Variants in PDK1 observed in about 807,000 individuals in gnomAD.
PDK1 encodes the protein pyruvate dehydrogenase kinase 1, also known as [Pyruvate dehydrogenase (acetyl-transferring)] kinase isozyme 1, mitochondrial.
Under a neutral mutation model 54.2 loss-of-function variants are expected in PDK1, and 39 were observed. The observed-to-expected ratio is 0.72, with a 90% CI of 0.56 to 0.94. PDK1 has a LOEUF of 0.94. PDK1 is among the 40% of genes least tolerant of loss of function. The pLI is 0.00. For synonymous variants in PDK1, 221 were observed against 207.1 expected, an observed-to-expected ratio of 1.07 and a Z score of -0.58; for missense variants, 552 against 566.0, an observed-to-expected ratio of 0.98 and a Z score of 0.25.
the PDK1 span, among the ~76,000 whole-genome samples, chr2:172,639,626 T>G: frequency 6.6e-6 from 1 of 152,204 alleles, no homozygotes; most frequent in African/African-American, 2.4e-5. Context: ...AACTTAAATA[T>G]GCTATATGCT....
intron 8 of PDK1, among the ~76,000 whole-genome samples, chr2:172,582,092 T>TAA (rs1689943791): frequency 6.6e-6 from 1 of 152,138 alleles, no homozygotes; most frequent in Non-Finnish European, 1.5e-5. Context: ...TTTGTATTTT[T>TAA]AGTAGAGACA....
the PDK1 span, among the ~76,000 whole-genome samples, chr2:172,697,519 T>C: frequency 6.6e-6 from 1 of 152,148 alleles, no homozygotes; most frequent in African/African-American, 2.4e-5. Context: ...TCCTTATCTT[T>C]AGAATACACG....
chr2:172,570,876 A>C, intron 8 of PDK1, 52 bp downstream of exon 8: 1 of 982,860 alleles, frequency 1.0e-6, no homozygotes, highest in Non-Finnish European at 1.6e-6. Flanking sequence ...TAATTGATGA[A>C]CAGACATGCA....
Position 172,586,342 on chromosome 2 carries a change from C to A in PDK1, c.1010C>A (p.Ser337Ter), listed in dbSNP as rs996270562. 1.2e-6 allele frequency: 2 copies of A among 1,612,856 alleles called. No homozygotes were observed. The highest frequency in any genetic ancestry group is 1.7e-5 in the Admixed American group (1 of 60,006). The change falls in exon 9 of 11, where the codon TCA (serine) becomes TAA (stop). Residue 337 changes from serine to a stop codon, truncating the protein, a stop_gained. Coordinates refer to ENST00000282077, the MANE Select transcript of PDK1 (RefSeq NM_002610.5). LOFTEE classifies it high-confidence loss of function. ...KIDRLFNYMY[S>*]TAPRPRVETS... ...GACAGACTTTTCAACTACATGTATT[C>A]AACTGCACCAAGACCTCGTGTTGAG...
chr2:172,707,575 C>T, the PDK1 span, among the ~76,000 whole-genome samples: 1 of 152,168 alleles, frequency 6.6e-6, no homozygotes, highest in South Asian at 2.1e-4. Flanking sequence ...AAAGCAAAAC[C>T]CGGGAACTCA....
the PDK1 span, among the ~76,000 whole-genome samples, chr2:172,698,717 C>G: frequency 1.3e-5 from 2 of 152,198 alleles, no homozygotes; most frequent in Non-Finnish European, 2.9e-5. Context: ...AGGAACCACA[C>G]TGAGAACTAC....
At chr2:172,700,914 A>C in the PDK1 span, among the ~76,000 whole-genome samples, 1 of 152,080 alleles carries the variant, frequency 6.6e-6, no homozygotes, top group Non-Finnish European at 1.5e-5. Flanking sequence ...GAGGCAGGAG[A>C]ATCAGGCAGG....
At chr2:172,589,755 C>T (rs908590480) in intron 9 of PDK1, among the ~76,000 whole-genome samples, 2 of 152,168 alleles carry the variant, frequency 1.3e-5, no homozygotes, top group African/African-American at 4.8e-5. Flanking sequence ...TCATAGTTAG[C>T]ATGCTATATG....
intron 3 of PDK1, 58 bp from the exon 4 acceptor site, chr2:172,564,445 T>G (rs1225275484): frequency 7.2e-7 from 1 of 1,396,790 alleles, no homozygotes; most frequent in Admixed American, 1.9e-5. Context: ...AGCTTATATT[T>G]TTGTATTAAG....
At chr2:172,579,441 G>A (rs1689760287) in intron 8 of PDK1, among the ~76,000 whole-genome samples, 1 of 151,708 alleles carries the variant, frequency 6.6e-6, no homozygotes, top group African/African-American at 2.4e-5. Flanking sequence ...ATGTTCCCCA[G>A]ATTGCTGCAT....
At chr2:172,651,147 A>G in the PDK1 span, among the ~76,000 whole-genome samples, 8 of 152,288 alleles carry the variant, frequency 5.3e-5, no homozygotes, top group African/African-American at 1.7e-4. Context: ...GTGCAATCAA[A>G]CTAGAACTCA....
chr2:172,667,351 G>A, the PDK1 span, among the ~76,000 whole-genome samples: 1 of 152,184 alleles, frequency 6.6e-6, no homozygotes, highest in South Asian at 2.1e-4. Flanking sequence ...ATTTCAGCAA[G>A]GTCTGGGGCA....
the PDK1 span, among the ~76,000 whole-genome samples, chr2:172,711,563 C>G: frequency 6.6e-6 from 1 of 152,126 alleles, no homozygotes; most frequent in Non-Finnish European, 1.5e-5. Flanking sequence ...TTATAGAAGG[C>G]TGTCAAGACA....
At chr2:172,587,106 C>G (rs1353304602) in intron 9 of PDK1, among the ~76,000 whole-genome samples, 1 of 152,108 alleles carries the variant, frequency 6.6e-6, no homozygotes, top group Non-Finnish European at 1.5e-5. Flanking sequence ...AGACCCCTTC[C>G]TAGGAAGTTA....
chr2:172,591,605 T>C (rs1425485384), intron 9 of PDK1, among the ~76,000 whole-genome samples: 1 of 152,194 alleles, frequency 6.6e-6, no homozygotes, highest in Non-Finnish European at 1.5e-5. Context: ...GCAGTGGCCA[T>C]TTCTAACTCT....
chr2:172,585,316 A>ATTTTTTTTTTTTTTTTTTT (rs538241255), intron 8 of PDK1, among the ~76,000 whole-genome samples: 1 of 103,302 alleles, frequency 9.7e-6, no homozygotes, highest in African/African-American at 4.5e-5. Flanking sequence ...TGCATTTTTA[A>ATTTTTTTTTTTTTTTTTTT]TTTTTTTTTT....
At chr2:172,583,300 T>G (rs995589962) in intron 8 of PDK1, among the ~76,000 whole-genome samples, 4 of 138,146 alleles carry the variant, frequency 2.9e-5, no homozygotes, top group African/African-American at 8.3e-5. Flanking sequence ...TTTTTTTTTT[T>G]TTTTTTTTTT....
the PDK1 span, among the ~76,000 whole-genome samples, chr2:172,717,968 A>AT: frequency 6.6e-6 from 1 of 152,224 alleles, no homozygotes; most frequent in Non-Finnish European, 1.5e-5. Flanking sequence ...AAAGGGTGTT[A>AT]TTCCAATAGA....
At chr2:172,586,174 AAG>A (rs199903362) in intron 8 of PDK1, 102 bp from the exon 9 acceptor site, 6,587 of 602,754 alleles carry the variant, frequency 0.011, 32 homozygotes, top group South Asian at 0.031. Flanking sequence ...AAAAAAAAAA[AAG>A]CGCTCTCCCA....
Sources: gnomAD v4.1 joint callset for allele counts (sites outside exome capture counted in the v4.1 genomes callset) on GRCh38, gnomAD v4.1.1 for gene constraint, MANE v1.5 for transcripts, NCBI Gene and HGNC (gene_info 2026-07-23, HGNC 2026-07-21) for gene names.